Variants in KAT2B observed in about 807,000 individuals in gnomAD.
KAT2B encodes the protein lysine acetyltransferase 2B.
KAT2B carries 36 observed loss-of-function variants against 105.9 expected under a neutral mutation model. The ratio of observed to expected loss-of-function variants is 0.34; its 90% CI spans 0.26 to 0.45. KAT2B has a LOEUF of 0.45. Among genes scored for constraint, KAT2B ranks in the 20% least tolerant of loss-of-function variants. The pLI is 1.00. For synonymous variants in KAT2B, 397 were observed against 377.9 expected (o/e 1.05, Z -0.59); for missense variants, 820 against 1,021.6 (o/e 0.80, Z 2.69).
intron 15 of KAT2B, 119 bp from the exon 16 acceptor site, chr3:20,148,124 C>T (rs1434660577): frequency 4.4e-6 from 6 of 1,365,130 alleles, no homozygotes; most frequent in African/African-American, 2.9e-5. Flanking sequence ...TTTGAGTTTC[C>T]TAAAACATTC....
Position 20,085,511 on chromosome 3 carries a change from C to CT in KAT2B, c.431-9737dup, listed in dbSNP as rs11346744. On this transcript the variant is annotated intron_variant, in intron 2 of 17. Coordinates refer to ENST00000263754, the MANE Select transcript of KAT2B (RefSeq NM_003884.5). ...CATAATTTTTCTTTTTTCTTTCTTTCTTTTTTTTTTTTTTTGCAGGGGGCA... is the reference window on the plus strand; with the variant it reads ...CATAATTTTTCTTTTTTCTTTCTTTCTTTTTTTTTTTTTTTTGCAGGGGGCA... 8.2e-3 allele frequency among the ~76,000 whole-genome samples: 1,128 copies of CT among 137,592 alleles called. 13 individuals are homozygous for CT. Among genetic ancestry groups the CT allele is most frequent in the East Asian group, 0.043 (198 of 4,640 alleles). The allele number at this position is 137,592 out of a possible 152,430, so 90.3% of individuals were successfully genotyped here.
Position 20,106,961 on chromosome 3 carries a change from GTATATATATATATATATGTA to G in KAT2B, c.852-4617_852-4598del, listed in dbSNP as rs1417211997. Among the ~76,000 whole-genome samples, 486 of 69,852 alleles carry G rather than the reference GTATATATATATATATATGTA, an allele frequency of 7.0e-3. 7 individuals are homozygous for G. Among genetic ancestry groups the G allele is most frequent in the African/African-American group, 9.0e-3 (169 of 18,700 alleles). 45.8% of individuals were successfully genotyped at this position (69,852 alleles called of 152,430 possible). A position where few individuals can be genotyped will look rare whatever the true frequency, so the allele number is the denominator to read the frequency against. ...TAAGAAATTATTCTGAATTTTATGT[GTATATATATATATATATGTA>G]TATATATATATATATATATATATAT... On this transcript the variant is annotated intron_variant, in intron 5 of 17. Transcript: ENST00000263754.
At chr3:20,060,987 A>G (rs1466739068) in intron 1 of KAT2B, among the ~76,000 whole-genome samples, 2 of 152,132 alleles carry the variant, frequency 1.3e-5, no homozygotes, top group African/African-American at 4.8e-5. Context: ...TAAAATATAG[A>G]TGATCTAAAG....
intron 2 of KAT2B, among the ~76,000 whole-genome samples, chr3:20,094,826 C>T (rs930175524): frequency 6.6e-6 from 1 of 152,036 alleles, no homozygotes; most frequent in African/African-American, 2.4e-5. Context: ...AGAGCTATAC[C>T]TTTAGGGAGC....
intron 10 of KAT2B, among the ~76,000 whole-genome samples, chr3:20,126,413 A>G (rs917243792): frequency 2.0e-5 from 3 of 152,100 alleles, no homozygotes; most frequent in Non-Finnish European, 2.9e-5. Context: ...TGCTTTCTTC[A>G]TAATCAAAAT....
At chr3:20,133,617 T>C (rs1699549115) in intron 11 of KAT2B, among the ~76,000 whole-genome samples, 1 of 152,236 alleles carries the variant, frequency 6.6e-6, no homozygotes, top group African/African-American at 2.4e-5. Context: ...TCATCAGCAA[T>C]GTTCTGTTTG....
At chr3:20,068,076 A>G (rs552325286) in intron 1 of KAT2B, among the ~76,000 whole-genome samples, 1 of 151,214 alleles carries the variant, frequency 6.6e-6, no homozygotes, top group East Asian at 2.0e-4. Context: ...GGCTCACTGC[A>G]ACCTCTGCCT....
intron 5 of KAT2B, among the ~76,000 whole-genome samples, chr3:20,101,956 C>T (rs1698918288): frequency 6.6e-6 from 1 of 152,032 alleles, no homozygotes; most frequent in South Asian, 2.1e-4. Flanking sequence ...TAGATAGCTA[C>T]ACTATAACTC....
chr3:20,044,552 T>A (rs964593973), intron 1 of KAT2B, among the ~76,000 whole-genome samples: 2 of 152,174 alleles, frequency 1.3e-5, no homozygotes, highest in Non-Finnish European at 2.9e-5. Flanking sequence ...TGGCTCCTTA[T>A]CGAGGGTTCA....
chr3:20,109,381 A>G (rs745380519), intron 5 of KAT2B, among the ~76,000 whole-genome samples: 8 of 152,152 alleles, frequency 5.3e-5, no homozygotes, highest in African/African-American at 1.7e-4. Context: ...CAGTGGCACA[A>G]TCATAGCTCA....
At chr3:20,146,651 C>A (rs534805363) in intron 14 of KAT2B, 2 of 348,090 alleles carry the variant, frequency 5.7e-6, no homozygotes, top group Non-Finnish European at 1.0e-5. Flanking sequence ...CTTGTAATAG[C>A]TGTTAATATC....
chr3:20,137,605 C>T (rs6787734), intron 12 of KAT2B: 39,657 of 154,198 alleles, frequency 0.26, 7,989 homozygotes, highest in East Asian at 0.62. Flanking sequence ...GGTGCAATCT[C>T]AGTTCACTGC....
At chr3:20,083,573 A>G (rs1041215422) in intron 2 of KAT2B, among the ~76,000 whole-genome samples, 1 of 152,196 alleles carries the variant, frequency 6.6e-6, no homozygotes, top group Admixed American at 6.5e-5. Context: ...AAGAGCCAGG[A>G]GTAGTCTCTG....
rs540047931 is a variant in KAT2B at position 20,044,206 on chromosome 3, C to T, written c.303+3426C>T. ...ATTAAAAATGTAGATCTAGGCCAGG[C>T]GCAGTGGCTCAGACCTGTAATCCCA... On this transcript the variant is annotated intron_variant, in intron 1 of 17. Transcript: ENST00000263754. 2.0e-4 allele frequency among the ~76,000 whole-genome samples: 30 copies of T among 151,654 alleles called. 1 individual carries two copies. The highest frequency in any genetic ancestry group is 3.2e-3 in the Middle Eastern group (1 of 316).
intron 1 of KAT2B, among the ~76,000 whole-genome samples, chr3:20,062,077 TAA>T (rs1698124116): frequency 1.0e-5 from 1 of 99,780 alleles, no homozygotes; most frequent in Non-Finnish European, 1.8e-5. Flanking sequence ...ATAAAACATA[TAA>T]TATATATTAT....
At chr3:20,094,451 AT>A (rs1314595689) in intron 2 of KAT2B, among the ~76,000 whole-genome samples, 1 of 152,160 alleles carries the variant, frequency 6.6e-6, no homozygotes, top group East Asian at 1.9e-4. Context: ...GCCAAACCAT[AT>A]CAGAGCCTTA....
intron 2 of KAT2B, among the ~76,000 whole-genome samples, chr3:20,094,913 A>G (rs1007066098): frequency 1.3e-5 from 2 of 152,170 alleles, no homozygotes; most frequent in Non-Finnish European, 2.9e-5. Context: ...CCCTCTTGAC[A>G]TGGTGGAGAA....
chr3:20,149,418 C>T (rs760723794), intron 17 of KAT2B, among the ~76,000 whole-genome samples: 2 of 144,532 alleles, frequency 1.4e-5, no homozygotes, highest in African/African-American at 2.6e-5. Context: ...ATCACTTGAG[C>T]CTGGGAGTTT....
intron 2 of KAT2B, among the ~76,000 whole-genome samples, chr3:20,091,166 C>T (rs1698711965): frequency 6.6e-6 from 1 of 152,110 alleles, no homozygotes; most frequent in Admixed American, 6.6e-5. Flanking sequence ...TATTTAATTA[C>T]TGATTCAGTC....
Sources: allele counts gnomAD v4.1 joint callset (sites outside exome capture counted in the v4.1 genomes callset), GRCh38; gene constraint gnomAD v4.1.1; transcripts MANE v1.5; gene names NCBI Gene and HGNC (gene_info 2026-07-23, HGNC 2026-07-21).